Variants in FANCI observed in about 807,000 individuals in gnomAD.
The protein encoded by FANCI is FA complementation group I.
In FANCI, 156 loss-of-function variants were observed where a neutral mutation model predicts 176.1. That is an observed-to-expected ratio of 0.89 (90% CI 0.78 to 1.01). The LOEUF (loss-of-function observed/expected upper bound fraction) is 1.01. FANCI is among the 50% of genes least tolerant of loss of function. FANCI has a pLI of 0.00. For synonymous variants in FANCI, 613 were observed against 541.7 expected (o/e 1.13, Z -1.83); for missense variants, 1,678 against 1,534.1 (o/e 1.09, Z -1.57).
chr15:89,287,678 G>C (rs1210998170), intron 18 of FANCI, among the ~76,000 whole-genome samples: 1 of 152,128 alleles, frequency 6.6e-6, no homozygotes, highest in Non-Finnish European at 1.5e-5. Flanking sequence ...AGTGAGAGAC[G>C]TGCGACTCTT....
At position 89,253,794 on chromosome 15, in the gene FANCI, G is replaced by C. The variant is rs925920836; in HGVS notation, c.85-4910G>C. On this transcript the variant is annotated intron_variant, in intron 2 of 37. Coordinates refer to ENST00000310775, the MANE Select transcript of FANCI (RefSeq NM_001113378.2). ...AATTCATAAATAACTTGTGGGGGGG[G>C]GGGGGAAGATAAACTGTATTTTAAA... is the stretch of plus-strand genomic sequence containing the variant. 5.3e-3 allele frequency among the ~76,000 whole-genome samples: 735 copies of C among 138,946 alleles called. 14 individuals are homozygous for C. Among genetic ancestry groups the C allele is most frequent in the African/African-American group, 0.019 (705 of 37,802 alleles). 91.2% of individuals were successfully genotyped at this position (138,946 alleles called of 152,430 possible).
rs756577357 is a variant in FANCI, at chr15:89,261,675, T to G, written c.379T>G (p.Leu127Val). 6.2e-7 allele frequency: 1 copy of G among 1,614,164 alleles called. No homozygotes were observed. Among genetic ancestry groups the G allele is most frequent in the Non-Finnish European group, 8.5e-7 (1 of 1,180,006 alleles). ...REGSLVNGKSLELLPIILTAL... is the reference protein window; with the variant it reads ...REGSLVNGKSVELLPIILTAL... ...AGGCAGCCTAGTGAATGGAAAATCT[T>G]TGGAGTTACTACCTATCATTCTCAC... The change falls in exon 5 of 38, where the codon TTG becomes GTG. Residue 127 changes from leucine (L) to valine (V), a missense_variant. Coordinates refer to ENST00000310775, the MANE Select transcript of FANCI (RefSeq NM_001113378.2).
rs913933221 is a variant in FANCI, at chr15:89,268,301, G to A, written c.756-98G>A. On this transcript the variant is annotated intron_variant, in intron 9 of 37. Coordinates refer to ENST00000310775, the MANE Select transcript of FANCI (RefSeq NM_001113378.2). ...GTAGAGGCTGGTCTTGAACTCCTGG[G>A]ATCAAGTGATGCGCCCGCCTTGGCC... 5 of 1,291,290 alleles carry A rather than the reference G, an allele frequency of 3.9e-6. No individual in the cohort carries two copies. The South Asian group carries it at 4.7e-5, about 12-fold the overall frequency. The allele number at this position is 1,291,290 out of a possible 1,614,324, so 80.0% of individuals were successfully genotyped here. A position where few individuals can be genotyped will look rare whatever the true frequency, so the allele number is the denominator to read the frequency against.
At chr15:89,247,575 C>G in intron 1 of FANCI, 54 bp from the exon 2 acceptor site, 1 of 1,256,060 alleles carries the variant, frequency 8.0e-7, no homozygotes, top group East Asian at 2.3e-5. Flanking sequence ...GAAAACAAAT[C>G]AAGTTTGTTT....
Position 89,268,436 on chromosome 15 carries a change from C to T in FANCI, c.793C>T (p.Arg265Cys), listed in dbSNP as rs753511061. The T allele has an allele frequency of 2.0e-5, 33 of 1,614,086 alleles. No individual in the cohort carries two copies. The highest frequency in any genetic ancestry group is 2.0e-4 in the Admixed American group (12 of 60,000). Residue 265 changes from arginine to cysteine, a missense_variant, in exon 10 of 38, where the codon CGT (arginine) becomes TGT (cysteine). Coordinates refer to ENST00000310775, the MANE Select transcript of FANCI (RefSeq NM_001113378.2). Reference sequence around the variant, plus strand: ...TGTCACTGTGCCATCAGGTGAACTTCGTCATGTGGAAGGCACCATTATTCT... The same window carrying T: ...TGTCACTGTGCCATCAGGTGAACTTTGTCATGTGGAAGGCACCATTATTCT... ...DVVTVPSGEL[R>C]HVEGTIILHI...
At chr15:89,301,085 T>C (rs1297197330) in intron 26 of FANCI, among the ~76,000 whole-genome samples, 1 of 152,240 alleles carries the variant, frequency 6.6e-6, no homozygotes, top group African/African-American at 2.4e-5. Flanking sequence ...ATCTACATTT[T>C]GCATGGGGTT....
At chr15:89,310,852 T>C (rs2054926522) in intron 34 of FANCI, among the ~76,000 whole-genome samples, 1 of 152,180 alleles carries the variant, frequency 6.6e-6, no homozygotes, top group African/African-American at 2.4e-5. Context: ...GGGTCGGACA[T>C]GGTGGCTCAT....
chr15:89,258,696 C>A lies in FANCI; in HGVS notation c.85-8C>A. 2 of 1,611,120 alleles carry A rather than the reference C, an allele frequency of 1.2e-6. No individual in the cohort carries two copies. Among genetic ancestry groups the A allele is most frequent in the Non-Finnish European group, 1.7e-6 (2 of 1,177,400 alleles). ...GCCAGAGACTTGTACCTTTTTCTTT[C>A]TTTGCAGTTGACTAATCTCCTTCAG... is the stretch of plus-strand genomic sequence containing the variant. On this transcript the variant is annotated splice_polypyrimidine_tract_variant and splice_region_variant and intron_variant, in intron 2 of 37. Coordinates refer to ENST00000310775, the MANE Select transcript of FANCI (RefSeq NM_001113378.2).
chr15:89,297,568 G>A (rs971349176), intron 24 of FANCI, among the ~76,000 whole-genome samples: 7 of 152,134 alleles, frequency 4.6e-5, no homozygotes, highest in African/African-American at 9.7e-5. Flanking sequence ...AGACCAACCC[G>A]GCCAACACAG....
chr15:89,300,300 AT>A lies in FANCI; in HGVS notation c.2805del (p.Asp935GlufsTer33). 6.2e-7 allele frequency: 1 copy of A among 1,612,882 alleles called. No homozygotes were observed. Among genetic ancestry groups the A allele is most frequent in the Non-Finnish European group, 8.5e-7 (1 of 1,178,942 alleles). ...PKIQQFLRAL[D>X]VTDKEGEERE... Reference sequence around the variant, plus strand: ...ACAAGAGTTTCTTTTCCATTCCTAGATGTCACAGATAAGGAAGGAGAAGAGA... The same window carrying A: ...ACAAGAGTTTCTTTTCCATTCCTAGAGTCACAGATAAGGAAGGAGAAGAGA... On this transcript the variant is annotated frameshift_variant and splice_region_variant, in exon 26 of 38. Coordinates refer to ENST00000310775, the MANE Select transcript of FANCI (RefSeq NM_001113378.2). LOFTEE classifies it high-confidence loss of function.
chr15:89,284,951 G>T, intron 17 of FANCI, 145 bp from the exon 18 acceptor site: 1 of 852,068 alleles, frequency 1.2e-6, no homozygotes, highest in Non-Finnish European at 2.0e-6. Flanking sequence ...CTACTGCATG[G>T]TAATGATTAT....
intron 12 of FANCI, 57 bp downstream of exon 12, chr15:89,274,361 CA>C (rs1474352991): frequency 6.3e-7 from 1 of 1,593,754 alleles, no homozygotes; most frequent in African/African-American, 1.3e-5. Context: ...TTAGAAAATG[CA>C]ATGTGATATC....
intron 2 of FANCI, among the ~76,000 whole-genome samples, chr15:89,248,113 T>A (rs2052071478): frequency 6.6e-6 from 1 of 152,238 alleles, no homozygotes; most frequent in African/African-American, 2.4e-5. Context: ...TATTTTTCCG[T>A]AAAGAAATTA....
chr15:89,245,151 A>ACTGAG (rs2051890360), intron 1 of FANCI: 3 of 149,106 alleles, frequency 2.0e-5, no homozygotes, highest in Non-Finnish European at 1.5e-5. Flanking sequence ...AACAACCTAT[A>ACTGAG]CTGAGCTTTT....
intron 36 of FANCI, 71 bp from the exon 37 acceptor site, chr15:89,315,210 TA>T: frequency 8.7e-7 from 1 of 1,153,530 alleles, no homozygotes; most frequent in Non-Finnish European, 1.3e-6. Flanking sequence ...AGAGGTGAAC[TA>T]AAAATGGCTT....
chr15:89,285,214 A>G lies in FANCI; in HGVS notation c.1817A>G (p.Tyr606Cys). The change falls in exon 18 of 38, where the codon TAT becomes TGT. Residue 606 changes from tyrosine (Y) to cysteine (C), a missense_variant. By Grantham distance (194) the Tyr-to-Cys change is radical. Around this residue, in one of 3 missense-constraint regions of FANCI, gnomAD observed 1,204 missense variants for 1,077.4 expected, o/e 1.12. Coordinates refer to ENST00000310775, the MANE Select transcript of FANCI (RefSeq NM_001113378.2). ...SQQADVRLML[Y>C]EGFYDVLRRN... Reference sequence around the variant, plus strand: ...CAAGCTGATGTTCGACTCATGCTTTATGAGGTAAGTCCGTAGAATGGAAAG... The same window carrying G: ...CAAGCTGATGTTCGACTCATGCTTTGTGAGGTAAGTCCGTAGAATGGAAAG... The G allele has an allele frequency of 6.2e-7, 1 of 1,614,138 alleles. No homozygotes were observed. The highest frequency in any genetic ancestry group is 8.5e-7 in the Non-Finnish European group (1 of 1,179,996).
intron 31 of FANCI, 99 bp from the exon 32 acceptor site, chr15:89,305,908 A>G (rs2054699763): frequency 2.3e-6 from 3 of 1,308,702 alleles, no homozygotes; most frequent in Non-Finnish European, 1.1e-6. Context: ...GTTTTTCCAT[A>G]AAGACTTTCT....
chr15:89,270,772 C>T (rs1368111541), intron 10 of FANCI, among the ~76,000 whole-genome samples: 1 of 152,122 alleles, frequency 6.6e-6, no homozygotes, highest in African/African-American at 2.4e-5. Flanking sequence ...TTCAAGTCAG[C>T]TTATGTGTTC....
At chr15:89,290,350 A>C in intron 19 of FANCI, 69 bp downstream of exon 19, 1 of 1,199,840 alleles carries the variant, frequency 8.3e-7, no homozygotes, top group Non-Finnish European at 1.2e-6. Flanking sequence ...GATGGTTTTC[A>C]GACCTTTCAA....
Sources: allele counts gnomAD v4.1 joint callset (sites outside exome capture counted in the v4.1 genomes callset), GRCh38; gene constraint gnomAD v4.1.1; regional missense constraint gnomAD v4.1.1; transcripts MANE v1.5; gene names NCBI Gene and HGNC (gene_info 2026-07-23, HGNC 2026-07-21).